The following STARD6 variants were observed in gnomAD, a reference collection of about 807,000 sequenced individuals.
STARD6 encodes the protein StAR related lipid transfer domain containing 6.
A neutral mutation model predicts 22.3 loss-of-function variants in STARD6; 21 were observed. The ratio of observed to expected loss-of-function variants is 0.94; its 90% CI spans 0.67 to 1.35. The LOEUF (loss-of-function observed/expected upper bound fraction) is 1.35, where lower values mean the gene tolerates loss of function less well. STARD6 is among the 40% of genes most tolerant of loss of function. The probability of loss-of-function intolerance (pLI) is 0.00; values close to 1 mark genes in which losing one functional copy is unlikely to be tolerated. For synonymous variants in STARD6, 80 were observed against 88.1 expected, an observed-to-expected ratio of 0.91 and a Z score of 0.52; for missense variants, 269 against 266.9, an observed-to-expected ratio of 1.01 and a Z score of -0.05.
intron 3 of STARD6, 83 bp downstream of exon 3, chr18:54,354,401 T>C (rs1453308270): frequency 3.1e-6 from 4 of 1,282,638 alleles, no homozygotes; most frequent in Non-Finnish European, 4.4e-6. Flanking sequence ...GAACAGAAAA[T>C]ATTTTTTTAA....
rs751138476 is a variant in STARD6 at position 54,354,596 on chromosome 18, A to T, written c.-4-19T>A. 3 of 1,560,076 alleles carry T rather than the reference A, an allele frequency of 1.9e-6. No homozygotes were observed. In the South Asian group the frequency reaches 3.4e-5, roughly 18 times the overall value. ...CATCTATCTGCAAGTTTTAAAAACAAACAACTGGTAAGAATATAACCATAT... is the reference window on the plus strand; with the variant it reads ...CATCTATCTGCAAGTTTTAAAAACATACAACTGGTAAGAATATAACCATAT... On this transcript the variant is annotated intron_variant, in intron 2 of 7. Coordinates refer to ENST00000307844, the MANE Select transcript of STARD6 (RefSeq NM_139171.2).
Position 54,337,053 on chromosome 18 carries a change from T to G in STARD6, c.267+72A>C, listed in dbSNP as rs753536442. 169 of 1,349,706 alleles carry G rather than the reference T, an allele frequency of 1.3e-4. 1 individual carries two copies. The highest frequency in any genetic ancestry group is 2.3e-5 in the Non-Finnish European group (23 of 992,974). The allele number at this position is 1,349,706 out of a possible 1,614,324, so 83.6% of individuals were successfully genotyped here. ...ATACTGTGTCTACATAACATAGTTTTAATCAACTCACTAAGGTATAAACTA... is the reference window on the plus strand; with the variant it reads ...ATACTGTGTCTACATAACATAGTTTGAATCAACTCACTAAGGTATAAACTA... On this transcript the variant is annotated intron_variant, in intron 5 of 7. Transcript: ENST00000307844.
chr18:54,350,440 T>C (rs4100689), intron 4 of STARD6, among the ~76,000 whole-genome samples: 26,169 of 152,134 alleles, frequency 0.17, 2,429 homozygotes, highest in Middle Eastern at 0.25. Context: ...GTTACCTGTT[T>C]CCTCTGCCGA....
intron 5 of STARD6, among the ~76,000 whole-genome samples, chr18:54,335,030 G>T (rs1358083488): frequency 2.0e-5 from 3 of 152,096 alleles, no homozygotes; most frequent in Non-Finnish European, 4.4e-5. Context: ...CATCAGTCTG[G>T]AAGAGTATGG....
chr18:54,354,078 G>A lies in STARD6; in HGVS notation c.116C>T (p.Ala39Val), dbSNP rs773742178. 10 of 1,567,906 alleles carry A rather than the reference G, an allele frequency of 6.4e-6. No homozygotes were observed. The highest frequency in any genetic ancestry group is 2.7e-5 in the African/African-American group (2 of 73,214). The change falls in exon 4 of 8, where the codon GCT becomes GTT. Residue 39 changes from alanine to valine, a missense_variant. Coordinates refer to ENST00000307844, the MANE Select transcript of STARD6 (RefSeq NM_139171.2). ...CAGATTTCCATGGAATTTTCTAGAAGCCTTACTGGAAACAGTTATCTTTTT... is the reference window on the plus strand; with the variant it reads ...CAGATTTCCATGGAATTTTCTAGAAACCTTACTGGAAACAGTTATCTTTTT... ...TSKKITVSSK[A>V]SRKFHGNLYR...
chr18:54,342,695 G>A (rs1479590367), intron 4 of STARD6, among the ~76,000 whole-genome samples: 1 of 97,242 alleles, frequency 1.0e-5, no homozygotes, highest in Non-Finnish European at 2.0e-5. Flanking sequence ...GCCCCTAACC[G>A]CGAGTGATCC....
chr18:54,328,244 T>C, intron 7 of STARD6, among the ~76,000 whole-genome samples: 1 of 152,336 alleles, frequency 6.6e-6, no homozygotes, highest in Non-Finnish European at 1.5e-5. Flanking sequence ...GTGTTTACAA[T>C]GGCTTTACAC....
intron 5 of STARD6, 85 bp downstream of exon 5, chr18:54,337,040 C>T (rs2088920870): frequency 1.6e-6 from 2 of 1,235,498 alleles, no homozygotes; most frequent in East Asian, 4.7e-5. Context: ...ACTGTGTCTA[C>T]ATAACATAGT....
At chr18:54,328,189 A>G (rs984541769) in intron 7 of STARD6, among the ~76,000 whole-genome samples, 1 of 152,166 alleles carries the variant, frequency 6.6e-6, no homozygotes, top group Non-Finnish European at 1.5e-5. Context: ...AAATGGGGGA[A>G]CTACTGTCCT....
intron 4 of STARD6, chr18:54,353,801 G>A (rs991005365): frequency 2.3e-5 from 7 of 299,980 alleles, no homozygotes; most frequent in Non-Finnish European, 4.2e-5. Flanking sequence ...TTCTTGAAGT[G>A]AAAATTTCCT....
intron 2 of STARD6, among the ~76,000 whole-genome samples, chr18:54,355,287 G>A (rs934140557): frequency 2.6e-5 from 4 of 151,998 alleles, no homozygotes; most frequent in African/African-American, 9.7e-5. Context: ...TGTTTCATAG[G>A]TATCTTTGCT....
chr18:54,329,875 G>GTT lies in STARD6; in HGVS notation c.386-437_386-436dup, dbSNP rs34087059. 1.4e-3 allele frequency among the ~76,000 whole-genome samples: 208 copies of GTT among 146,208 alleles called. 1 individual carries two copies. Among genetic ancestry groups the GTT allele is most frequent in the Middle Eastern group, 0.014 (4 of 284 alleles). ...GTTCATAGATTTTTGTGTTAATCAT[G>GTT]TTTTTTTTTTTAAATAAAATATTCA... On this transcript the variant is annotated intron_variant, in intron 6 of 7. Coordinates refer to ENST00000307844, the MANE Select transcript of STARD6 (RefSeq NM_139171.2).
intron 4 of STARD6, among the ~76,000 whole-genome samples, chr18:54,338,771 C>CG (rs34236337): frequency 0.066 from 10,015 of 151,918 alleles, 381 homozygotes; most frequent in African/African-American, 0.087. Context: ...AAAATTTGGA[C>CG]GGGCGCAGTG....
intron 4 of STARD6, among the ~76,000 whole-genome samples, chr18:54,343,375 G>C (rs1358018991): frequency 1.4e-5 from 2 of 144,936 alleles, no homozygotes; most frequent in African/African-American, 5.2e-5. Context: ...GAGGTGGGGG[G>C]TCAGCCCCCC....
rs2088894217 is a variant in STARD6, at chr18:54,334,781, C to A, written c.267+2344G>T. Among the ~76,000 whole-genome samples the A allele has an allele frequency of 2.0e-5, 3 of 152,078 alleles. No homozygotes were observed. In the South Asian group the frequency reaches 6.2e-4, roughly 32 times the overall value. On this transcript the variant is annotated intron_variant, in intron 5 of 7. Coordinates refer to ENST00000307844, the MANE Select transcript of STARD6 (RefSeq NM_139171.2). ...TATCCTACATAACACTTATTCTTAC[C>A]AGTCCTAGCCTTCATTATCTGGTAA...
chr18:54,328,578 T>C (rs902259314), intron 7 of STARD6, among the ~76,000 whole-genome samples: 4 of 152,106 alleles, frequency 2.6e-5, no homozygotes, highest in Admixed American at 1.3e-4. Context: ...TCCAGTTCAG[T>C]AGAGGAAATG....
intron 4 of STARD6, among the ~76,000 whole-genome samples, chr18:54,351,182 G>A (rs980138098): frequency 2.0e-5 from 3 of 152,118 alleles, no homozygotes; most frequent in Non-Finnish European, 4.4e-5. Flanking sequence ...TTCCCTTGTA[G>A]AGATCTCTCA....
chr18:54,347,664 A>G, intron 4 of STARD6, among the ~76,000 whole-genome samples: 1 of 152,120 alleles, frequency 6.6e-6, no homozygotes, highest in Non-Finnish European at 1.5e-5. Flanking sequence ...TGTTAAGTTT[A>G]GGAAGATATT....
At chr18:54,356,223 G>C (rs2089142114) in intron 2 of STARD6, 138 bp downstream of exon 2, 1 of 152,146 alleles carries the variant, frequency 6.6e-6, no homozygotes, top group African/African-American at 2.4e-5. Context: ...AACTCTTCAG[G>C]TTGGATCATA....
Sources: gnomAD v4.1 joint callset for allele counts (sites outside exome capture counted in the v4.1 genomes callset) on GRCh38, gnomAD v4.1.1 for gene constraint, MANE v1.5 for transcripts, NCBI Gene and HGNC (gene_info 2026-07-23, HGNC 2026-07-21) for gene names.